Variants in METTL24 observed in about 807,000 individuals in gnomAD.
The protein encoded by METTL24 is probable methyltransferase-like protein 24.
METTL24 carries 29 observed loss-of-function variants against 32.7 expected under a neutral mutation model. The observed-to-expected ratio is 0.89, with a 90% CI of 0.66 to 1.21. METTL24 has a LOEUF of 1.21. METTL24 is among the 50% of genes most tolerant of loss of function. The pLI is 0.00. For synonymous variants in METTL24, 163 were observed against 179.5 expected, an observed-to-expected ratio of 0.91 and a Z score of 0.73; for missense variants, 439 against 468.1, an observed-to-expected ratio of 0.94 and a Z score of 0.57.
intron 4 of METTL24, among the ~76,000 whole-genome samples, chr6:110,294,471 T>G (rs1269359640): frequency 6.6e-6 from 1 of 151,794 alleles, no homozygotes; most frequent in African/African-American, 2.4e-5. Flanking sequence ...AAATATAAGC[T>G]TTAGCAAAAA....
intron 3 of METTL24, 37 bp downstream of exon 3, chr6:110,315,305 G>A (rs777390770): frequency 2.4e-5 from 39 of 1,612,154 alleles, no homozygotes; most frequent in African/African-American, 4.0e-5. Flanking sequence ...CTGAAGCAGT[G>A]TTTGTGTTTT....
chr6:110,290,338 C>T (rs1271683666), intron 4 of METTL24, among the ~76,000 whole-genome samples: 2 of 152,226 alleles, frequency 1.3e-5, no homozygotes, highest in African/African-American at 4.8e-5. Flanking sequence ...TCCAACTCTG[C>T]TCCCTCACCA....
intron 4 of METTL24, among the ~76,000 whole-genome samples, chr6:110,276,318 G>T (rs1771046802): frequency 6.6e-6 from 1 of 152,084 alleles, no homozygotes; most frequent in South Asian, 2.1e-4. Context: ...AGGTGTGATG[G>T]TATGTACCTA....
chr6:110,299,652 C>T (rs1771485293), intron 3 of METTL24, among the ~76,000 whole-genome samples: 1 of 151,876 alleles, frequency 6.6e-6, no homozygotes, highest in Non-Finnish European at 1.5e-5. Flanking sequence ...TTAAATAGTG[C>T]AAATAAGAAA....
chr6:110,288,551 ACT>A (rs1304302244), intron 4 of METTL24, among the ~76,000 whole-genome samples: 1 of 152,108 alleles, frequency 6.6e-6, no homozygotes, highest in Non-Finnish European at 1.5e-5. Context: ...AAGAAAGGTG[ACT>A]CTATTTAAAG....
chr6:110,357,887 G>C (rs553879916), intron 1 of METTL24, 68 bp downstream of exon 1: 2 of 951,428 alleles, frequency 2.1e-6, no homozygotes, highest in Admixed American at 7.7e-5. Context: ...CCTGAGCGCC[G>C]GGCTCCGTAG....
Position 110,323,745 on chromosome 6 carries a change from G to A in METTL24, c.319-873C>T, listed in dbSNP as rs190302121. 6.0e-4 allele frequency among the ~76,000 whole-genome samples: 92 copies of A among 152,208 alleles called. 2 individuals are homozygous for A. In the East Asian group the frequency reaches 0.013, roughly 22 times the overall value. On this transcript the variant is annotated intron_variant, in intron 1 of 4. Coordinates refer to ENST00000338882, the MANE Select transcript of METTL24 (RefSeq NM_001123364.3). Reference sequence around the variant, plus strand: ...GGGTGGGGACGGCTCGTGCAGGGTAGGGAAGGGCTGGGGGAAGGGAGAGCT... The same window carrying A: ...GGGTGGGGACGGCTCGTGCAGGGTAAGGAAGGGCTGGGGGAAGGGAGAGCT...
chr6:110,286,744 C>T (rs142445134), intron 4 of METTL24, among the ~76,000 whole-genome samples: 205 of 152,296 alleles, frequency 1.3e-3, no homozygotes, highest in African/African-American at 4.4e-3. Flanking sequence ...AGGAGATTAA[C>T]ATTTGAGTCA....
At chr6:110,325,103 C>T (rs1771995233) in intron 1 of METTL24, among the ~76,000 whole-genome samples, 1 of 152,126 alleles carries the variant, frequency 6.6e-6, no homozygotes, top group African/African-American at 2.4e-5. Flanking sequence ...CAGCAGCCAG[C>T]ACAGCAATAT....
chr6:110,339,434 C>T (rs1048830073), intron 1 of METTL24, among the ~76,000 whole-genome samples: 2 of 152,154 alleles, frequency 1.3e-5, no homozygotes, highest in African/African-American at 4.8e-5. Context: ...AGGCTAGGTG[C>T]CATTTCTAAA....
At chr6:110,314,731 G>A (rs553221353) in intron 3 of METTL24, among the ~76,000 whole-genome samples, 1 of 152,242 alleles carries the variant, frequency 6.6e-6, no homozygotes, top group Non-Finnish European at 1.5e-5. Context: ...GGAGGCCGAG[G>A]CAGGTGGATT....
intron 4 of METTL24, among the ~76,000 whole-genome samples, chr6:110,253,153 C>T (rs1026152549): frequency 6.6e-6 from 1 of 152,072 alleles, no homozygotes; most frequent in African/African-American, 2.4e-5. Context: ...CTGACTGCCC[C>T]GAGGCGGTAC....
chr6:110,275,646 T>A (rs1443334990), intron 4 of METTL24, among the ~76,000 whole-genome samples: 1 of 152,204 alleles, frequency 6.6e-6, no homozygotes, highest in African/African-American at 2.4e-5. Context: ...ACCTTCAGCA[T>A]GCATTCCCTG....
chr6:110,296,533 G>C (rs1771423058), intron 4 of METTL24, among the ~76,000 whole-genome samples: 1 of 152,156 alleles, frequency 6.6e-6, no homozygotes, highest in Non-Finnish European at 1.5e-5. Context: ...AGTTTTAAAA[G>C]CAGTACAAAA....
Position 110,357,998 on chromosome 6 carries a change from G to C in METTL24, c.275C>G (p.Pro92Arg), listed in dbSNP as rs555527864. Reference sequence around the variant, plus strand: ...GCGCGGGGCACAGCAGCCAGGCTCCGGCGTCCCGCTCCCGCCGCCCCCCGG... The same window carrying C: ...GCGCGGGGCACAGCAGCCAGGCTCCCGCGTCCCGCTCCCGCCGCCCCCCGG... The part of the protein sequence containing the change: ...APPGGGGSGT[P>R]EPGCCAPRGR... The change falls in exon 1 of 5, where the codon CCG becomes CGG. Residue 92 changes from proline (P) to arginine (R), a missense_variant. Physicochemically the swap from Pro to Arg is moderately radical, Grantham distance 103. Coordinates refer to ENST00000338882, the MANE Select transcript of METTL24 (RefSeq NM_001123364.3). 7.5e-4 allele frequency: 880 copies of C among 1,171,456 alleles called. 2 individuals are homozygous for C. The highest frequency in any genetic ancestry group is 1.7e-3 in the South Asian group (40 of 23,738). The allele number at this position is 1,171,456 out of a possible 1,614,324, so 72.6% of individuals were successfully genotyped here. A position where few individuals can be genotyped will look rare whatever the true frequency, so the allele number is the denominator to read the frequency against.
At chr6:110,320,159 T>C (rs1168730147) in intron 2 of METTL24, among the ~76,000 whole-genome samples, 2 of 152,064 alleles carry the variant, frequency 1.3e-5, no homozygotes, top group African/African-American at 2.4e-5. Context: ...GAGCACAGAT[T>C]TGAGGGAAGT....
chr6:110,323,736 T>A (rs1433305163), intron 1 of METTL24, among the ~76,000 whole-genome samples: 8 of 151,536 alleles, frequency 5.3e-5, no homozygotes. Flanking sequence ...GGACGGCTCG[T>A]GCAGGGTAGG....
intron 4 of METTL24, among the ~76,000 whole-genome samples, chr6:110,253,292 A>G (rs527539295): frequency 6.6e-6 from 1 of 152,336 alleles, no homozygotes; most frequent in East Asian, 1.9e-4. Flanking sequence ...CTTCAACTGC[A>G]TGAGAGACCC....
chr6:110,310,201 A>G (rs2114742503), intron 3 of METTL24, among the ~76,000 whole-genome samples: 1 of 152,332 alleles, frequency 6.6e-6, no homozygotes, highest in Admixed American at 6.5e-5. Flanking sequence ...TGTATCACTT[A>G]TGAAATCATC....
Sources: allele counts gnomAD v4.1 joint callset (sites outside exome capture counted in the v4.1 genomes callset), GRCh38; gene constraint gnomAD v4.1.1; transcripts MANE v1.5; gene names NCBI Gene and HGNC (gene_info 2026-07-23, HGNC 2026-07-21).